EDC4: variants seen among roughly 807,000 people sequenced by gnomAD.
EDC4 encodes the protein enhancer of mRNA-decapping protein 4.
A neutral mutation model predicts 155.8 loss-of-function variants in EDC4; 64 were observed. That is an observed-to-expected ratio of 0.41 (90% CI 0.34 to 0.51). EDC4 has a LOEUF of 0.51. EDC4 is among the 20% of genes least tolerant of loss of function. The pLI, the probability that EDC4 is intolerant of heterozygous loss-of-function variation, is 0.19. For synonymous variants in EDC4, 684 were observed against 716.8 expected (o/e 0.95, Z 0.73); for missense variants, 1,303 against 1,812.5 (o/e 0.72, Z 5.10).
Position 67,884,154 on chromosome 16 carries a change from AAG to A in EDC4, c.*7_*8del. Reference sequence around the variant, plus strand: ...TGACCCCCAGCCTCCCTTAGCTGCTAAGCCTGCCTTGCCCAGGGGTGGGATGG... The same window carrying A: ...TGACCCCCAGCCTCCCTTAGCTGCTACCTGCCTTGCCCAGGGGTGGGATGG... On this transcript the variant is annotated 3_prime_UTR_variant, in exon 29 of 29. Transcript: ENST00000358933. This position sits in a 1 kb window ranked among gnomAD's most constrained non-coding sequence, Gnocchi z 4.1. The A allele has an allele frequency of 6.2e-7, 1 of 1,600,838 alleles. No individual in the cohort carries two copies. Among genetic ancestry groups the A allele is most frequent in the South Asian group, 1.1e-5 (1 of 89,640 alleles).
chr16:67,884,498 A>G lies in EDC4; in HGVS notation c.*350A>G, dbSNP rs2058084808. The stretch of plus-strand genomic sequence containing the variant: ...ATTCAATTAAATGCTTTTGGAATAA[A>G]ATGGAGTATGTGTGTGCTTTTGGTT... On this transcript the variant is annotated 3_prime_UTR_variant, in exon 29 of 29. Coordinates refer to ENST00000358933, the MANE Select transcript of EDC4 (RefSeq NM_014329.5). This position sits in a 1 kb window ranked among gnomAD's most constrained non-coding sequence, Gnocchi z 4.1. 1.2e-5 allele frequency: 6 copies of G among 493,466 alleles called. No individual in the cohort carries two copies. In the South Asian group the frequency reaches 1.3e-4, roughly 11 times the overall value. The allele number at this position is 493,466 out of a possible 1,614,324, so 30.6% of individuals were successfully genotyped here. A position where few individuals can be genotyped will look rare whatever the true frequency, so the allele number is the denominator to read the frequency against.
chr16:67,880,598 A>G lies in EDC4; in HGVS notation c.2139A>G (p.Glu713=), dbSNP rs772084470. ...ATSALSLELQ[E]VEPLGLPQAS... is the part of the protein sequence containing the mutation. ...CTGCACTGTCCCTGGAGCTGCAGGA[A>G]GTGGAGCCCCTGGGGCTACCCCAAG... The change falls in exon 18 of 29, where the codon GAA becomes GAG. Residue 713 remains glutamate (E), a synonymous_variant. Coordinates refer to ENST00000358933, the MANE Select transcript of EDC4 (RefSeq NM_014329.5). This position sits in a 1 kb window ranked among gnomAD's most constrained non-coding sequence, Gnocchi z 5.2. 1.2e-6 allele frequency: 2 copies of G among 1,613,956 alleles called. No individual in the cohort carries two copies. The highest frequency in any genetic ancestry group is 1.7e-5 in the Admixed American group (1 of 60,008).
chr16:67,877,864 GCCTCCCCTGC>G lies in EDC4; in HGVS notation c.894+27_894+36del, dbSNP rs1391164872. On this transcript the variant is annotated intron_variant, in intron 7 of 28. Coordinates refer to ENST00000358933, the MANE Select transcript of EDC4 (RefSeq NM_014329.5). This position sits in a 1 kb window ranked among gnomAD's most constrained non-coding sequence, Gnocchi z 4.9. ...TAGCACGGTAAGCCTGTGACTGCCT[GCCTCCCCTGC>G]CCTCCCCACTTCCTCATATCCATCT... 1.2e-5 allele frequency: 20 copies of G among 1,613,280 alleles called. No individual in the cohort carries two copies. The highest frequency in any genetic ancestry group is 1.6e-5 in the Non-Finnish European group (19 of 1,179,898).
In EDC4 at chr16:67,878,065, C is replaced by A; in HGVS notation, c.895-101C>A. 1 of 1,548,222 alleles carries A rather than the reference C, an allele frequency of 6.5e-7. No individual in the cohort carries two copies. Among genetic ancestry groups the A allele is most frequent in the Non-Finnish European group, 8.7e-7 (1 of 1,144,660 alleles). Reference sequence around the variant, plus strand: ...CTGTTCATTTAGTCAGTCACACAAGCATGCCAGTCCCACCGTGAGTCAGCC... The same window carrying A: ...CTGTTCATTTAGTCAGTCACACAAGAATGCCAGTCCCACCGTGAGTCAGCC... On this transcript the variant is annotated intron_variant, in intron 7 of 28. Transcript: ENST00000358933. This position sits in a 1 kb window ranked among gnomAD's most constrained non-coding sequence, Gnocchi z 5.2.
intron 1 of EDC4, among the ~76,000 whole-genome samples, chr16:67,873,656 C>T (rs1368423536): frequency 6.6e-6 from 1 of 152,172 alleles, no homozygotes; most frequent in African/African-American, 2.4e-5. Context: ...TGGCCTAGCT[C>T]CTCTTCCCTT....
In EDC4 at chr16:67,882,626, G is replaced by A; in HGVS notation, c.3442+32G>A. ...GGGGTCATATGGCCCAAGGTGGGAGGGGTTATCCTCTTTCCTACTGTTCCT... is the reference window on the plus strand; with the variant it reads ...GGGGTCATATGGCCCAAGGTGGGAGAGGTTATCCTCTTTCCTACTGTTCCT... On this transcript the variant is annotated intron_variant, in intron 25 of 28. Coordinates refer to ENST00000358933, the MANE Select transcript of EDC4 (RefSeq NM_014329.5). The surrounding 1 kb of genome is among the most constrained non-coding windows in gnomAD (Gnocchi z 7.2). 6.2e-7 allele frequency: 1 copy of A among 1,614,210 alleles called. No homozygotes were observed. The highest frequency in any genetic ancestry group is 8.5e-7 in the Non-Finnish European group (1 of 1,180,036).
In EDC4 at chr16:67,883,618, G is replaced by A; in HGVS notation, c.3900G>A (p.Val1300=). The A allele has an allele frequency of 6.2e-7, 1 of 1,614,136 alleles. No individual in the cohort carries two copies. The highest frequency in any genetic ancestry group is 8.5e-7 in the Non-Finnish European group (1 of 1,180,024). The change falls in exon 28 of 29, where the codon GTG becomes GTA. Residue 1300 remains valine, a synonymous_variant. Coordinates refer to ENST00000358933, the MANE Select transcript of EDC4 (RefSeq NM_014329.5). This position sits in a 1 kb window ranked among gnomAD's most constrained non-coding sequence, Gnocchi z 5.3. ...TGGTGCTGTATGTGTGTGAAACTGTGGACCCAGCCCAGGTTTTTGGGCAGC... is the reference window on the plus strand; with the variant it reads ...TGGTGCTGTATGTGTGTGAAACTGTAGACCCAGCCCAGGTTTTTGGGCAGC... ...LNLVLYVCET[V]DPAQVFGQPP...
rs1415824827 is a variant in EDC4, at chr16:67,881,638, G to A, written c.2827-30G>A. The A allele has an allele frequency of 6.2e-7, 1 of 1,610,476 alleles. No homozygotes were observed. The highest frequency in any genetic ancestry group is 1.7e-5 in the Admixed American group (1 of 59,958). ...TGGTGTGTGGGAATAGGTGGGGCAGGCATCGTGTGACTGTCAGTGCTACTG... is the reference window on the plus strand; with the variant it reads ...TGGTGTGTGGGAATAGGTGGGGCAGACATCGTGTGACTGTCAGTGCTACTG... On this transcript the variant is annotated intron_variant, in intron 21 of 28. Transcript: ENST00000358933. The surrounding 1 kb of genome is among the most constrained non-coding windows in gnomAD (Gnocchi z 5.4).
Position 67,883,544 on chromosome 16 carries a change from C to T in EDC4, c.3850-24C>T. Reference sequence around the variant, plus strand: ...ATTCCATCCTGATATTTGCTATAAACACTGCTGCTTTTTTCTCCTCCAGGC... The same window carrying T: ...ATTCCATCCTGATATTTGCTATAAATACTGCTGCTTTTTTCTCCTCCAGGC... On this transcript the variant is annotated intron_variant, in intron 27 of 28. Coordinates refer to ENST00000358933, the MANE Select transcript of EDC4 (RefSeq NM_014329.5). The surrounding 1 kb of genome is among the most constrained non-coding windows in gnomAD (Gnocchi z 5.3). The T allele has an allele frequency of 6.2e-7, 1 of 1,610,974 alleles. No individual in the cohort carries two copies.
Position 67,873,304 on chromosome 16 carries a change from C to A in EDC4, c.43C>A (p.His15Asn). 2.0e-6 allele frequency: 3 copies of A among 1,477,332 alleles called. No individual in the cohort carries two copies. Among genetic ancestry groups the A allele is most frequent in the Non-Finnish European group, 2.7e-6 (3 of 1,117,338 alleles). 91.5% of individuals were successfully genotyped at this position (1,477,332 alleles called of 1,614,324 possible). The part of the protein sequence containing the change: ...ASIDIEDATQ[H>N]LRDILKLDRP... ...CATCGACATCGAGGACGCCACGCAG[C>A]ACCTGCGGGACATCCTCAAGCTGGA... is the stretch of plus-strand genomic sequence containing the variant. The change falls in exon 1 of 29, where the codon CAC (histidine) becomes AAC (asparagine). Residue 15 changes from histidine to asparagine, a missense_variant. His to Asn is a moderately conservative substitution (Grantham distance 68). Transcript: ENST00000358933.
In EDC4 at chr16:67,881,137, C is replaced by T; in HGVS notation, c.2593C>T (p.Leu865=). 1 of 1,614,146 alleles carries T rather than the reference C, an allele frequency of 6.2e-7. No individual in the cohort carries two copies. Among genetic ancestry groups the T allele is most frequent in the South Asian group, 1.1e-5 (1 of 91,086 alleles). ...SLAFHRPPYH[L]LQQRDSQDAS... is the part of the protein sequence containing the mutation. The stretch of plus-strand genomic sequence containing the variant: ...GGCCTTCCACCGACCACCATATCAC[C>T]TGCTGCAGCAACGTGACAGCCAGGA... Residue 865 remains leucine, a synonymous_variant, in exon 19 of 29, where the codon CTG becomes TTG. Coordinates refer to ENST00000358933, the MANE Select transcript of EDC4 (RefSeq NM_014329.5). This position sits in a 1 kb window ranked among gnomAD's most constrained non-coding sequence, Gnocchi z 5.4.
chr16:67,877,130 G>C lies in EDC4; in HGVS notation c.452-87G>C. On this transcript the variant is annotated intron_variant, in intron 4 of 28. Transcript: ENST00000358933. This position sits in a 1 kb window ranked among gnomAD's most constrained non-coding sequence, Gnocchi z 4.9. ...GAAAACCAAGCTTGAGACTCTGGTGGTGGCAGGGAGACAGGTGGGGCAGCG... is the reference window on the plus strand; with the variant it reads ...GAAAACCAAGCTTGAGACTCTGGTGCTGGCAGGGAGACAGGTGGGGCAGCG... The C allele has an allele frequency of 6.5e-7, 1 of 1,537,216 alleles. No homozygotes were observed. Among genetic ancestry groups the C allele is most frequent in the Non-Finnish European group, 8.8e-7 (1 of 1,141,194 alleles).
Position 67,880,407 on chromosome 16 carries a change from T to C in EDC4, c.2098-150T>C. The C allele has an allele frequency of 7.4e-7, 1 of 1,347,516 alleles. No homozygotes were observed. The highest frequency in any genetic ancestry group is 1.4e-5 in the South Asian group (1 of 72,694). 83.5% of individuals were successfully genotyped at this position (1,347,516 alleles called of 1,614,324 possible). A position where few individuals can be genotyped will look rare whatever the true frequency, so the allele number is the denominator to read the frequency against. Reference sequence around the variant, plus strand: ...CCTCAGCCTCCCTGTCCCCACCTCCTCTTCTTGGCTGTGGCCTCGTTTTTG... The same window carrying C: ...CCTCAGCCTCCCTGTCCCCACCTCCCCTTCTTGGCTGTGGCCTCGTTTTTG... On this transcript the variant is annotated intron_variant, in intron 17 of 28. Coordinates refer to ENST00000358933, the MANE Select transcript of EDC4 (RefSeq NM_014329.5). The surrounding 1 kb of genome is among the most constrained non-coding windows in gnomAD (Gnocchi z 5.2).
chr16:67,877,985 T>C lies in EDC4; in HGVS notation c.894+140T>C. On this transcript the variant is annotated intron_variant, in intron 7 of 28. Coordinates refer to ENST00000358933, the MANE Select transcript of EDC4 (RefSeq NM_014329.5). The surrounding 1 kb of genome is among the most constrained non-coding windows in gnomAD (Gnocchi z 4.9). ...CTGAGCTCAAATTGGCCCTCACCTGTGCAGCTTTCTCCTTATCTAGCAGCA... is the reference window on the plus strand; with the variant it reads ...CTGAGCTCAAATTGGCCCTCACCTGCGCAGCTTTCTCCTTATCTAGCAGCA... The C allele has an allele frequency of 1.3e-6, 2 of 1,490,824 alleles. No homozygotes were observed. The highest frequency in any genetic ancestry group is 9.0e-7 in the Non-Finnish European group (1 of 1,106,196). The allele number at this position is 1,490,824 out of a possible 1,614,324, so 92.3% of individuals were successfully genotyped here. A position where few individuals can be genotyped will look rare whatever the true frequency, so the allele number is the denominator to read the frequency against.
chr16:67,876,801 C>A lies in EDC4; in HGVS notation c.352-72C>A. On this transcript the variant is annotated intron_variant, in intron 3 of 28. Transcript: ENST00000358933. This position sits in a 1 kb window ranked among gnomAD's most constrained non-coding sequence, Gnocchi z 5.8. ...CTGGACTTGCATCTGTGTCCTCTCCCATCCCCAGGGATGTTGGGGGCCACC... is the reference window on the plus strand; with the variant it reads ...CTGGACTTGCATCTGTGTCCTCTCCAATCCCCAGGGATGTTGGGGGCCACC... The A allele has an allele frequency of 6.3e-7, 1 of 1,590,426 alleles. No individual in the cohort carries two copies.
In EDC4 at chr16:67,879,275, G is replaced by T. The variant is rs375278242; in HGVS notation, c.1507G>T (p.Gly503Cys). 1 of 1,614,056 alleles carries T rather than the reference G, an allele frequency of 6.2e-7. No homozygotes were observed. The highest frequency in any genetic ancestry group is 8.5e-7 in the Non-Finnish European group (1 of 1,180,024). ...AGCCGGTGCCATGGAGTCTGCGGCCGGTGTGCTCATCAAGCTCTTTTGTGT... is the reference window on the plus strand; with the variant it reads ...AGCCGGTGCCATGGAGTCTGCGGCCTGTGTGCTCATCAAGCTCTTTTGTGT... ...HGAGAMESAA[G>C]VLIKLFCVHT... is the part of the protein sequence containing the mutation. Residue 503 changes from glycine to cysteine, a missense_variant, in exon 13 of 29, where the codon GGT becomes TGT. Gly to Cys is a radical substitution (Grantham distance 159). Coordinates refer to ENST00000358933, the MANE Select transcript of EDC4 (RefSeq NM_014329.5). The surrounding 1 kb of genome is among the most constrained non-coding windows in gnomAD (Gnocchi z 6.0).
chr16:67,875,367 A>C (rs1423351520), intron 1 of EDC4, among the ~76,000 whole-genome samples: 2 of 152,088 alleles, frequency 1.3e-5, no homozygotes, highest in African/African-American at 4.8e-5. Flanking sequence ...CTTCTCTCCA[A>C]ACTCTGACAC....
In EDC4 at chr16:67,877,473, T is replaced by G. The variant is rs1368431111; in HGVS notation, c.642-36T>G. The stretch of plus-strand genomic sequence containing the variant: ...GGGCGGAGCTGGGGTGTCACGCCTC[T>G]TCATTCATCTATCTAGCCCTTAACA... On this transcript the variant is annotated intron_variant, in intron 5 of 28. Transcript: ENST00000358933. The surrounding 1 kb of genome is among the most constrained non-coding windows in gnomAD (Gnocchi z 4.9). The G allele has an allele frequency of 3.1e-6, 5 of 1,612,444 alleles. No individual in the cohort carries two copies. The highest frequency in any genetic ancestry group is 2.5e-6 in the Non-Finnish European group (3 of 1,178,630).
At position 67,876,167 on chromosome 16, in the gene EDC4, G is replaced by C; in HGVS notation, c.239+66G>C. 1 of 1,530,792 alleles carries C rather than the reference G, an allele frequency of 6.5e-7. No individual in the cohort carries two copies. The highest frequency in any genetic ancestry group is 2.3e-5 in the East Asian group (1 of 44,250). 94.8% of individuals were successfully genotyped at this position (1,530,792 alleles called of 1,614,324 possible). A position where few individuals can be genotyped will look rare whatever the true frequency, so the allele number is the denominator to read the frequency against. On this transcript the variant is annotated intron_variant, in intron 2 of 28. Coordinates refer to ENST00000358933, the MANE Select transcript of EDC4 (RefSeq NM_014329.5). The surrounding 1 kb of genome is among the most constrained non-coding windows in gnomAD (Gnocchi z 5.8). ...TGGGGTGTCTGCTAGCTGAAGGCAT[G>C]AGATGGGGAGTGAGCGGGGCCAGCA...
Sources: allele counts gnomAD v4.1 joint callset (sites outside exome capture counted in the v4.1 genomes callset), GRCh38; gene constraint gnomAD v4.1.1; non-coding constraint Gnocchi (gnomAD v3.1); transcripts MANE v1.5; gene names NCBI Gene and HGNC (gene_info 2026-07-23, HGNC 2026-07-21).